Variants in KCNIP4 observed in about 807,000 individuals in gnomAD.
KCNIP4 encodes Kv channel-interacting protein 4.
A neutral mutation model predicts 34.0 loss-of-function variants in KCNIP4; 12 were observed. The ratio of observed to expected loss-of-function variants is 0.35; its 90% confidence interval spans 0.23 to 0.57. The LOEUF is 0.57. KCNIP4 is among the 20% of genes least tolerant of loss of function. The pLI is 0.83. For missense variants in KCNIP4, 238 were observed against 311.7 expected (o/e 0.76, Z 1.78); for synonymous variants, 124 against 102.2 (o/e 1.21, Z -1.29).
intron 1 of KCNIP4, among the ~76,000 whole-genome samples, chr4:21,258,863 G>T (rs1472376072): frequency 1.3e-5 from 2 of 152,048 alleles, no homozygotes; most frequent in Non-Finnish European, 2.9e-5. Context: ...CTTAGACACA[G>T]ATTTTAAAAA....
chr4:20,883,009 T>G (rs1391455624), intron 1 of KCNIP4, among the ~76,000 whole-genome samples: 3 of 664 alleles, frequency 4.5e-3, no homozygotes, highest in African/African-American at 8.8e-3. Flanking sequence ...AATCTGGTGG[T>G]TTTTTTTTTT....
intron 1 of KCNIP4, among the ~76,000 whole-genome samples, chr4:21,175,243 G>A (rs1754319956): frequency 6.6e-6 from 1 of 152,086 alleles, no homozygotes; most frequent in African/African-American, 2.4e-5. Context: ...AAAATAAGAT[G>A]CCTATCTTCC....
intron 1 of KCNIP4, among the ~76,000 whole-genome samples, chr4:21,159,256 A>G (rs536321616): frequency 5.3e-5 from 8 of 152,342 alleles, no homozygotes; most frequent in Admixed American, 1.3e-4. Flanking sequence ...TCATTGGTGT[A>G]ATAAAAGACA....
intron 1 of KCNIP4, among the ~76,000 whole-genome samples, chr4:21,772,072 C>G (rs993631645): frequency 6.6e-6 from 1 of 152,052 alleles, no homozygotes; most frequent in Non-Finnish European, 1.5e-5. Flanking sequence ...TCATAAATAG[C>G]TCTTATTATT....
At chr4:21,287,848 A>C (rs554200874) in intron 1 of KCNIP4, among the ~76,000 whole-genome samples, 1 of 152,154 alleles carries the variant, frequency 6.6e-6, no homozygotes. Flanking sequence ...AAATCAAAAA[A>C]ATATATATAT....
chr4:21,486,045 C>G (rs1560452050), intron 1 of KCNIP4, among the ~76,000 whole-genome samples: 1 of 152,174 alleles, frequency 6.6e-6, no homozygotes, highest in Non-Finnish European at 1.5e-5. Context: ...GAAAAATCAA[C>G]CTCGATTTTT....
intron 1 of KCNIP4, among the ~76,000 whole-genome samples, chr4:21,486,072 A>T (rs1345900923): frequency 6.6e-6 from 1 of 152,216 alleles, no homozygotes; most frequent in East Asian, 1.9e-4. Context: ...GCTGTGCCTC[A>T]CCTAGCAGAC....
At chr4:21,885,719 C>T (rs1049911229) in intron 1 of KCNIP4, among the ~76,000 whole-genome samples, 6 of 152,044 alleles carry the variant, frequency 3.9e-5, no homozygotes, top group South Asian at 2.1e-4. Context: ...GATTTTCAGA[C>T]GGAATAATTA....
At chr4:21,941,687 A>G (rs1429335698) in intron 1 of KCNIP4, among the ~76,000 whole-genome samples, 2 of 152,112 alleles carry the variant, frequency 1.3e-5, no homozygotes, top group East Asian at 1.9e-4. Flanking sequence ...GTAGAGGGAG[A>G]GAAGTTTCTA....
intron 1 of KCNIP4, among the ~76,000 whole-genome samples, chr4:21,412,865 G>C (rs537951223): frequency 1.5e-3 from 221 of 152,228 alleles, no homozygotes; most frequent in South Asian, 1.7e-3. Context: ...TAAGATTGTA[G>C]GTCATGCTGA....
intron 1 of KCNIP4, among the ~76,000 whole-genome samples, chr4:21,554,702 A>C (rs888489042): frequency 7.2e-5 from 11 of 152,056 alleles, no homozygotes; most frequent in Non-Finnish European, 1.5e-5. Flanking sequence ...CACGTCCCCC[A>C]GATAAGGTCA....
rs397992493 is a variant in KCNIP4 at position 21,137,891 on chromosome 4, T to TTTTG, written c.62-255183_62-255182insCAAA. ...ACAGGCTTTTTTGTTTTTTTTTTTT[T>TTTTG]GATGGAGTCTTGCTCTATTACCCAG... On this transcript the variant is annotated intron_variant, in intron 1 of 8. Transcript: ENST00000382152. Among the ~76,000 whole-genome samples the TTTTG allele has an allele frequency of 6.8e-4, 100 of 147,486 alleles. 2 individuals are homozygous for TTTTG. The highest frequency in any genetic ancestry group is 2.3e-3 in the African/African-American group (92 of 39,818).
chr4:21,820,632 T>C (rs998372668), intron 1 of KCNIP4, among the ~76,000 whole-genome samples: 4 of 152,138 alleles, frequency 2.6e-5, no homozygotes, highest in African/African-American at 9.7e-5. Context: ...TAATCAAATG[T>C]AATTTTAGAA....
chr4:21,611,153 C>T (rs999248240), intron 1 of KCNIP4, among the ~76,000 whole-genome samples: 1 of 152,072 alleles, frequency 6.6e-6, no homozygotes, highest in Non-Finnish European at 1.5e-5. Context: ...TGAACTCATC[C>T]TTTTTTATGG....
At chr4:21,311,443 C>A (rs1200025155) in intron 1 of KCNIP4, among the ~76,000 whole-genome samples, 2 of 152,158 alleles carry the variant, frequency 1.3e-5, no homozygotes, top group Non-Finnish European at 2.9e-5. Flanking sequence ...GTTATCCCAG[C>A]ACTTTGGGAG....
At chr4:21,262,171 C>T (rs565490293) in intron 1 of KCNIP4, among the ~76,000 whole-genome samples, 2 of 152,116 alleles carry the variant, frequency 1.3e-5, no homozygotes, top group East Asian at 3.9e-4. Flanking sequence ...AAACCTTTTT[C>T]CCCTTTCTAC....
At chr4:20,790,407 A>G (rs796467153) in intron 3 of KCNIP4, among the ~76,000 whole-genome samples, 6 of 152,282 alleles carry the variant, frequency 3.9e-5, no homozygotes, top group African/African-American at 1.2e-4. Flanking sequence ...AACAAATTTA[A>G]CTTTAGGTTA....
intron 1 of KCNIP4, among the ~76,000 whole-genome samples, chr4:21,784,434 T>G (rs1286420711): frequency 1.6e-5 from 2 of 121,744 alleles, no homozygotes; most frequent in Admixed American, 1.5e-4. Context: ...AAAAAAAACA[T>G]TTTTTGATTA....
intron 1 of KCNIP4, among the ~76,000 whole-genome samples, chr4:21,587,226 A>C (rs1346585724): frequency 6.6e-6 from 1 of 152,044 alleles, no homozygotes; most frequent in Non-Finnish European, 1.5e-5. Flanking sequence ...ATTGGGTATA[A>C]GTAACTTTGT....
Sources: allele counts gnomAD v4.1 joint callset (sites outside exome capture counted in the v4.1 genomes callset), GRCh38; gene constraint gnomAD v4.1.1; transcripts MANE v1.5; gene names NCBI Gene and HGNC (gene_info 2026-07-23, HGNC 2026-07-21).